CA10: variants seen among roughly 807,000 people sequenced by gnomAD.
CA10 encodes carbonic anhydrase-related protein 10.
CA10 carries 14 observed loss-of-function variants against 44.2 expected under a neutral mutation model. The observed-to-expected ratio is 0.32, with a 90% CI of 0.21 to 0.50. The LOEUF is 0.50. Ranked by LOEUF, CA10 falls within the 20% of genes least tolerant of loss-of-function variation. The pLI, the probability that CA10 is intolerant of heterozygous loss-of-function variation, is 0.99. For synonymous variants in CA10, 159 were observed against 141.6 expected (o/e 1.12, Z -0.87); for missense variants, 350 against 409.7 (o/e 0.85, Z 1.26).
intron 3 of CA10, among the ~76,000 whole-genome samples, chr17:51,839,336 CA>C (rs1164812966): frequency 3.3e-5 from 5 of 151,342 alleles, no homozygotes; most frequent in Non-Finnish European, 7.4e-5. Flanking sequence ...ACTTAAAATA[CA>C]AAAAAATTAG....
intron 3 of CA10, among the ~76,000 whole-genome samples, chr17:51,811,441 C>T (rs1390910882): frequency 6.6e-6 from 1 of 152,156 alleles, no homozygotes; most frequent in Non-Finnish European, 1.5e-5. Flanking sequence ...CCTACTCCAG[C>T]CCCCTCCCGA....
intron 2 of CA10, among the ~76,000 whole-genome samples, chr17:51,985,098 CAT>C (rs1458745369): frequency 1.3e-5 from 2 of 151,802 alleles, no homozygotes; most frequent in East Asian, 1.9e-4. Flanking sequence ...TTGATGAACA[CAT>C]ATGTTAAAAT....
chr17:51,661,214 A>G (rs1913994765), intron 4 of CA10, among the ~76,000 whole-genome samples: 1 of 126,518 alleles, frequency 7.9e-6, no homozygotes. Context: ...GGTACATATT[A>G]ACTGTATCAA....
chr17:51,750,183 C>T (rs145383260), intron 3 of CA10, among the ~76,000 whole-genome samples: 8 of 152,092 alleles, frequency 5.3e-5, no homozygotes, highest in South Asian at 4.2e-4. Flanking sequence ...TTATATGGTT[C>T]GAAAGATATG....
At chr17:51,745,648 C>T (rs1318801731) in intron 4 of CA10, among the ~76,000 whole-genome samples, 1 of 152,040 alleles carries the variant, frequency 6.6e-6, no homozygotes, top group South Asian at 2.1e-4. Flanking sequence ...TTGTGGTTCA[C>T]GTATAAGTTA....
chr17:52,119,191 G>A lies in CA10; in HGVS notation c.61+38535C>T, dbSNP rs146258528. ...GAGCATATTTGTTTCTCTTTGCCTGGTTTCTCCAGAATTTGGAAACTAGTC... is the reference window on the plus strand; with the variant it reads ...GAGCATATTTGTTTCTCTTTGCCTGATTTCTCCAGAATTTGGAAACTAGTC... On this transcript the variant is annotated intron_variant, in intron 1 of 8. Coordinates refer to ENST00000451037, the MANE Select transcript of CA10 (RefSeq NM_020178.5). Among the ~76,000 whole-genome samples, 569 of 141,634 alleles carry A rather than the reference G, an allele frequency of 4.0e-3. 2 individuals carry two copies. The highest frequency in any genetic ancestry group is 0.014 in the African/African-American group (543 of 39,798). 92.9% of individuals were successfully genotyped at this position (141,634 alleles called of 152,430 possible).
At chr17:51,953,984 T>A (rs1319339684) in intron 2 of CA10, among the ~76,000 whole-genome samples, 1 of 152,180 alleles carries the variant, frequency 6.6e-6, no homozygotes, top group African/African-American at 2.4e-5. Flanking sequence ...TATTACTCTG[T>A]TGTGATTAGA....
At chr17:52,152,792 T>A (rs1387227128) in intron 1 of CA10, among the ~76,000 whole-genome samples, 2 of 152,134 alleles carry the variant, frequency 1.3e-5, no homozygotes, top group East Asian at 3.9e-4. Flanking sequence ...AAATATTTAT[T>A]CAAGAATCAC....
chr17:52,153,967 G>C (rs1037949840), intron 1 of CA10, among the ~76,000 whole-genome samples: 1 of 152,128 alleles, frequency 6.6e-6, no homozygotes, highest in African/African-American at 2.4e-5. Context: ...AACAGTGTAG[G>C]AAATATTCCT....
Position 52,072,307 on chromosome 17 carries a change from A to G in CA10, c.136+12T>C. Reference sequence around the variant, plus strand: ...TTTTAATAAATAAATTAAAGAATTAATGTGTACTTACCTGGAACAAAGCTT... The same window carrying G: ...TTTTAATAAATAAATTAAAGAATTAGTGTGTACTTACCTGGAACAAAGCTT... On this transcript the variant is annotated intron_variant, in intron 2 of 8. Transcript: ENST00000451037. The G allele has an allele frequency of 6.4e-7, 1 of 1,551,716 alleles. No individual in the cohort carries two copies. Among genetic ancestry groups the G allele is most frequent in the South Asian group, 1.1e-5 (1 of 88,660 alleles).
chr17:51,909,623 C>T (rs1006441782), intron 3 of CA10, among the ~76,000 whole-genome samples: 9 of 152,050 alleles, frequency 5.9e-5, no homozygotes, highest in Non-Finnish European at 1.3e-4. Flanking sequence ...GACAAAGACC[C>T]CATTTCAGGG....
chr17:51,956,770 A>G (rs1219181168), intron 2 of CA10, among the ~76,000 whole-genome samples: 2 of 152,126 alleles, frequency 1.3e-5, no homozygotes, highest in Non-Finnish European at 2.9e-5. Context: ...TTCAGCAAAA[A>G]ACTTTTTATT....
At chr17:51,714,777 G>A (rs1319190134) in intron 4 of CA10, among the ~76,000 whole-genome samples, 1 of 152,212 alleles carries the variant, frequency 6.6e-6, no homozygotes, top group Non-Finnish European at 1.5e-5. Flanking sequence ...CTACACCTAT[G>A]AGGGATGATT....
Position 52,158,139 on chromosome 17 carries a change from GCCA to G in CA10, c.-356_-354del. On this transcript the variant is annotated 5_prime_UTR_variant, in exon 1 of 9. Coordinates refer to ENST00000451037, the MANE Select transcript of CA10 (RefSeq NM_020178.5). ...GCGGCGGCGGCAGCAGCCACCTGAA[GCCA>G]CCAACACTGGGCTCTTCCAGCAAAA... is the stretch of plus-strand genomic sequence containing the variant. The G allele has an allele frequency of 4.7e-6, 2 of 429,278 alleles. No individual in the cohort carries two copies. The highest frequency in any genetic ancestry group is 4.1e-5 in the South Asian group (2 of 49,226). The allele number at this position is 429,278 out of a possible 1,614,324, so 26.6% of individuals were successfully genotyped here.
At chr17:52,042,888 C>G (rs1211191572) in intron 2 of CA10, among the ~76,000 whole-genome samples, 1 of 151,990 alleles carries the variant, frequency 6.6e-6, no homozygotes, top group African/African-American at 2.4e-5. Context: ...ACACCCTTAT[C>G]AAAGATGCGT....
At chr17:51,742,964 T>C (rs1339348638) in intron 4 of CA10, among the ~76,000 whole-genome samples, 1 of 152,248 alleles carries the variant, frequency 6.6e-6, no homozygotes, top group Non-Finnish European at 1.5e-5. Flanking sequence ...ATCCACATTA[T>C]GTGGTATTAT....
intron 6 of CA10, among the ~76,000 whole-genome samples, chr17:51,644,800 CTTTTTTTTTT>C (rs148441183): frequency 8.3e-6 from 1 of 121,130 alleles, no homozygotes; most frequent in East Asian, 2.4e-4. Flanking sequence ...CATTTCTTGG[CTTTTTTTTTT>C]TTTTTTTTGA....
intron 2 of CA10, among the ~76,000 whole-genome samples, chr17:52,020,358 C>T (rs1383785753): frequency 6.6e-6 from 1 of 151,806 alleles, no homozygotes; most frequent in African/African-American, 2.4e-5. Context: ...AAACTCAAAA[C>T]AATATTAGTA....
rs916626091 is a variant in CA10 at position 51,802,579 on chromosome 17, A to G, written c.280-54761T>C. Among the ~76,000 whole-genome samples, 10 of 151,538 alleles carry G rather than the reference A, an allele frequency of 6.6e-5. No homozygotes were observed. The East Asian group carries it at 1.9e-3, about 29-fold the overall frequency. On this transcript the variant is annotated intron_variant, in intron 3 of 8. Coordinates refer to ENST00000451037, the MANE Select transcript of CA10 (RefSeq NM_020178.5). Reference sequence around the variant, plus strand: ...GCCTGATGTCTGAAAAAAAAAAAAAAAAAAAAAAACAACCAGAAGCACTCC... The same window carrying G: ...GCCTGATGTCTGAAAAAAAAAAAAAGAAAAAAAAACAACCAGAAGCACTCC...
Sources: allele counts gnomAD v4.1 joint callset (sites outside exome capture counted in the v4.1 genomes callset), GRCh38; gene constraint gnomAD v4.1.1; transcripts MANE v1.5; gene names NCBI Gene and HGNC (gene_info 2026-07-23, HGNC 2026-07-21).